Variants in CPO observed in about 807,000 individuals in gnomAD.
The protein encoded by CPO is carboxypeptidase O.
Under a neutral mutation model 41.2 loss-of-function variants are expected in CPO, and 43 were observed. That is an observed-to-expected ratio of 1.04 (90% CI 0.82 to 1.35). The LOEUF is 1.35. Among genes scored for constraint, CPO ranks in the 40% most tolerant of loss-of-function variants. The probability of loss-of-function intolerance (pLI) is 0.00; values close to 1 mark genes in which losing one functional copy is unlikely to be tolerated. For synonymous variants in CPO, 178 were observed against 162.7 expected (o/e 1.09, Z -0.72); for missense variants, 408 against 451.7 (o/e 0.90, Z 0.88).
chr2:206,946,831 T>C (rs777090974), intron 1 of CPO, among the ~76,000 whole-genome samples: 9 of 152,068 alleles, frequency 5.9e-5, no homozygotes, highest in Non-Finnish European at 1.0e-4. Context: ...AAGTAAAATA[T>C]GAAATTAAAA....
At chr2:206,944,647 G>A (rs980909403) in intron 1 of CPO, among the ~76,000 whole-genome samples, 1 of 151,816 alleles carries the variant, frequency 6.6e-6, no homozygotes, top group Non-Finnish European at 1.5e-5. Context: ...AGCTAATAGG[G>A]CAAACTTCAT....
At chr2:206,945,986 G>C (rs961086231) in intron 1 of CPO, among the ~76,000 whole-genome samples, 1 of 149,160 alleles carries the variant, frequency 6.7e-6, no homozygotes, top group Non-Finnish European at 1.5e-5. Context: ...TAAAAAAAAA[G>C]ATAGTTAATA....
Position 206,968,354 on chromosome 2 carries a change from A to AT in CPO, c.862+8dup. 6.4e-7 allele frequency: 1 copy of AT among 1,561,924 alleles called. No homozygotes were observed. Among genetic ancestry groups the AT allele is most frequent in the South Asian group, 1.1e-5 (1 of 89,884 alleles). On this transcript the variant is annotated splice_region_variant and intron_variant, in intron 8 of 8. Coordinates refer to ENST00000272852, the MANE Select transcript of CPO (RefSeq NM_173077.3). ...TCGAGTGCAGATATTTTATGTAAGT[A>AT]TCTTTTTTTGCCTCTTCAATAGTAT...
intron 7 of CPO, among the ~76,000 whole-genome samples, chr2:206,965,614 C>G (rs1245478668): frequency 6.6e-6 from 1 of 152,058 alleles, no homozygotes; most frequent in Non-Finnish European, 1.5e-5. Context: ...TTTGTATCAA[C>G]CTCTGTACTC....
chr2:206,959,656 C>T lies in CPO; in HGVS notation c.398C>T (p.Ser133Leu). The T allele has an allele frequency of 6.6e-7, 1 of 1,515,306 alleles. No homozygotes were observed. Among genetic ancestry groups the T allele is most frequent in the East Asian group, 2.2e-5 (1 of 44,460 alleles). The allele number at this position is 1,515,306 out of a possible 1,614,324, so 93.9% of individuals were successfully genotyped here. A position where few individuals can be genotyped will look rare whatever the true frequency, so the allele number is the denominator to read the frequency against. Reference sequence around the variant, plus strand: ...ATTCTACAAAACCATAAAGACAACTCAAGTATACGCAAGCTCCTTAGGAAC... The same window carrying T: ...ATTCTACAAAACCATAAAGACAACTTAAGTATACGCAAGCTCCTTAGGAAC... ...KEILQNHKDNSSIRKLLRNLD... is the reference protein window; with the variant it reads ...KEILQNHKDNLSIRKLLRNLD... Residue 133 changes from serine (S) to leucine (L), a missense_variant, in exon 5 of 9, where the codon TCA becomes TTA. Transcript: ENST00000272852.
At chr2:206,967,230 T>C (rs17458475) in intron 7 of CPO, among the ~76,000 whole-genome samples, 43,345 of 151,526 alleles carry the variant, frequency 0.29, 6,261 homozygotes, top group Middle Eastern at 0.33. Flanking sequence ...GCCCAGCCAG[T>C]AGACTTGGGC....
At chr2:206,967,263 T>C (rs1239027741) in intron 7 of CPO, among the ~76,000 whole-genome samples, 2 of 151,660 alleles carry the variant, frequency 1.3e-5, no homozygotes, top group African/African-American at 2.4e-5. Context: ...CTCTTATCTC[T>C]GGAAAGGGGC....
chr2:206,947,051 T>G (rs1693157865), intron 1 of CPO, among the ~76,000 whole-genome samples: 1 of 152,130 alleles, frequency 6.6e-6, no homozygotes, highest in African/African-American at 2.4e-5. Flanking sequence ...GCAAGTTACT[T>G]TGTGGTTATT....
rs777538867 is a variant in CPO, at chr2:206,958,272, T to C, written c.268-29T>C. 12 of 1,201,966 alleles carry C rather than the reference T, an allele frequency of 1.0e-5. No homozygotes were observed. The South Asian group carries it at 1.3e-4, about 13-fold the overall frequency. The allele number at this position is 1,201,966 out of a possible 1,614,324, so 74.5% of individuals were successfully genotyped here. On this transcript the variant is annotated intron_variant, in intron 3 of 8. Coordinates refer to ENST00000272852, the MANE Select transcript of CPO (RefSeq NM_173077.3). Reference sequence around the variant, plus strand: ...TGGCTTACAATAATCAGCAATTGTTTAGTAATGGGGCATGGATATCTTCTC... The same window carrying C: ...TGGCTTACAATAATCAGCAATTGTTCAGTAATGGGGCATGGATATCTTCTC...
chr2:206,961,477 T>C lies in CPO; in HGVS notation c.574+535T>C, dbSNP rs185390902. ...GGTCTTGAAAAAATTGCTTCATCTCTCTGCTTTAGTTTTCTTTTACGTAAA... is the reference window on the plus strand; with the variant it reads ...GGTCTTGAAAAAATTGCTTCATCTCCCTGCTTTAGTTTTCTTTTACGTAAA... On this transcript the variant is annotated intron_variant, in intron 6 of 8. Coordinates refer to ENST00000272852, the MANE Select transcript of CPO (RefSeq NM_173077.3). Among the ~76,000 whole-genome samples, 6 of 152,274 alleles carry C rather than the reference T, an allele frequency of 3.9e-5. No homozygotes were observed. In the East Asian group the frequency reaches 1.2e-3, roughly 29 times the overall value.
At chr2:206,966,976 G>A (rs1161729640) in intron 7 of CPO, among the ~76,000 whole-genome samples, 3 of 152,168 alleles carry the variant, frequency 2.0e-5, no homozygotes, top group Non-Finnish European at 4.4e-5. Flanking sequence ...ACAGAGCTGG[G>A]AGAAGGAGAA....
chr2:206,958,828 G>A (rs920961631), intron 4 of CPO, among the ~76,000 whole-genome samples: 15 of 132,124 alleles, frequency 1.1e-4, no homozygotes, highest in South Asian at 5.4e-4. Flanking sequence ...TGCAACCTCC[G>A]CCTCCTGGGT....
chr2:206,943,694 AGATAGATAGATAGATAGATAGATG>A (rs1482298543), intron 1 of CPO, among the ~76,000 whole-genome samples: 199 of 125,520 alleles, frequency 1.6e-3, no homozygotes, highest in Non-Finnish European at 2.4e-3. Flanking sequence ...ATAGATAGAT[AGATAGATAGATAGATAGATAGATG>A]ATGGATAGAT....
At chr2:206,943,735 T>C (rs1294846628) in intron 1 of CPO, among the ~76,000 whole-genome samples, 1 of 81,548 alleles carries the variant, frequency 1.2e-5, no homozygotes, top group East Asian at 3.3e-4. Flanking sequence ...AGATGATAGA[T>C]AGATAGATAG....
intron 6 of CPO, among the ~76,000 whole-genome samples, chr2:206,961,478 C>G (rs1693477042): frequency 6.6e-6 from 1 of 152,134 alleles, no homozygotes; most frequent in African/African-American, 2.4e-5. Flanking sequence ...CTTCATCTCT[C>G]TGCTTTAGTT....
intron 7 of CPO, among the ~76,000 whole-genome samples, chr2:206,963,931 G>A (rs1165179280): frequency 2.6e-5 from 4 of 152,100 alleles, no homozygotes; most frequent in African/African-American, 9.7e-5. Flanking sequence ...CTTTAATAGA[G>A]GCTGCTCCAT....
chr2:206,943,094 T>C (rs1296604988), intron 1 of CPO, among the ~76,000 whole-genome samples: 1 of 152,172 alleles, frequency 6.6e-6, no homozygotes, highest in African/African-American at 2.4e-5. Context: ...TGTTATGGCA[T>C]TGCCAGGGAA....
At chr2:206,959,567 G>A in intron 4 of CPO, 64 bp from the exon 5 acceptor site, 1 of 790,056 alleles carries the variant, frequency 1.3e-6, no homozygotes. Flanking sequence ...AGTTGAAATT[G>A]GTAGAAAATT....
chr2:206,963,623 T>A (rs1693520056), intron 7 of CPO, among the ~76,000 whole-genome samples: 1 of 152,248 alleles, frequency 6.6e-6, no homozygotes, highest in South Asian at 2.1e-4. Context: ...TGGCTTTCAC[T>A]AAGCATATTA....
Sources: allele counts gnomAD v4.1 joint callset (sites outside exome capture counted in the v4.1 genomes callset), GRCh38; gene constraint gnomAD v4.1.1; transcripts MANE v1.5; gene names NCBI Gene and HGNC (gene_info 2026-07-23, HGNC 2026-07-21).